The following ILRUN variants were observed in gnomAD, a reference collection of about 807,000 sequenced individuals.
ILRUN encodes the protein inflammation and lipid regulator with UBA-like and NBR1-like domains.
Under a neutral mutation model 33.8 loss-of-function variants are expected in ILRUN, and 3 were observed. That is an observed-to-expected ratio of 0.09 (90% CI 0.04 to 0.23). ILRUN has a LOEUF of 0.23. Ranked by LOEUF, ILRUN falls within the 10% of genes least tolerant of loss-of-function variation. The pLI, the probability that ILRUN is intolerant of heterozygous loss-of-function variation, is 1.00. For synonymous variants in ILRUN, 124 were observed against 138.9 expected (o/e 0.89, Z 0.75); for missense variants, 210 against 375.1 (o/e 0.56, Z 3.64).
chr6:34,696,761 TCACTCTGC>T, exon 1 of ILRUN: 1 of 548,146 alleles, frequency 1.8e-6, no homozygotes. Flanking sequence ...AGGGGTAAAC[TCACTCTGC>T]CACTCACTCA....
intron 3 of ILRUN, among the ~76,000 whole-genome samples, chr6:34,638,700 C>T (rs1762414116): frequency 6.6e-6 from 1 of 151,466 alleles, no homozygotes; most frequent in Non-Finnish European, 1.5e-5. Flanking sequence ...GCAAGACCCT[C>T]TCTCAAAAAA....
intron 3 of ILRUN, among the ~76,000 whole-genome samples, chr6:34,613,553 G>GTA (rs1485794607): frequency 3.9e-5 from 6 of 152,218 alleles, no homozygotes; most frequent in African/African-American, 1.4e-4. Context: ...TGCTGTCAGT[G>GTA]TATACTGGGG....
intron 1 of ILRUN, among the ~76,000 whole-genome samples, chr6:34,688,207 C>T (rs1763568129): frequency 6.6e-6 from 1 of 151,940 alleles, no homozygotes; most frequent in Admixed American, 6.6e-5. Context: ...GAGTTCTAAA[C>T]AAGCCTGGGC....
chr6:34,603,310 C>T (rs751350255), intron 4 of ILRUN, among the ~76,000 whole-genome samples: 66 of 152,106 alleles, frequency 4.3e-4, no homozygotes, highest in Admixed American at 1.7e-3. Context: ...GTCAGGAGTT[C>T]GAGACCAGCC....
At chr6:34,638,275 G>A (rs1045343728) in intron 3 of ILRUN, among the ~76,000 whole-genome samples, 2 of 152,116 alleles carry the variant, frequency 1.3e-5, no homozygotes, top group African/African-American at 4.8e-5. Context: ...TGCAACTGAC[G>A]GCAGGTTTCC....
At chr6:34,675,049 G>A (rs1210904032) in intron 1 of ILRUN, among the ~76,000 whole-genome samples, 1 of 152,216 alleles carries the variant, frequency 6.6e-6, no homozygotes, top group African/African-American at 2.4e-5. Flanking sequence ...CGGAGGCCCA[G>A]GTGGGCTAAT....
chr6:34,625,804 G>A lies in ILRUN; in HGVS notation c.512-18900C>T, dbSNP rs555021212. Among the ~76,000 whole-genome samples the A allele has an allele frequency of 8.2e-4, 122 of 148,216 alleles. 2 individuals carry two copies. The South Asian group carries it at 0.026, about 31-fold the overall frequency. On this transcript the variant is annotated intron_variant, in intron 3 of 4. Coordinates refer to ENST00000374023, the MANE Select transcript of ILRUN (RefSeq NM_024294.4). ...CCTTCCAGCCTATCCTACCTCAAAG[G>A]TTATTATTTCTTACTGTTCATTATT...
intron 3 of ILRUN, among the ~76,000 whole-genome samples, chr6:34,630,585 T>C (rs1762226152): frequency 6.6e-6 from 1 of 152,200 alleles, no homozygotes; most frequent in African/African-American, 2.4e-5. Context: ...GGTTGCACCA[T>C]GTTGGCCAGG....
intron 1 of ILRUN, among the ~76,000 whole-genome samples, chr6:34,678,128 C>T (rs1456400820): frequency 3.3e-5 from 5 of 152,044 alleles, no homozygotes; most frequent in Admixed American, 6.6e-5. Context: ...CTGCAACCTC[C>T]GCCTGAGTTC....
chr6:34,660,702 C>A (rs911882153), intron 1 of ILRUN, among the ~76,000 whole-genome samples: 3 of 151,962 alleles, frequency 2.0e-5, no homozygotes, highest in African/African-American at 7.3e-5. Context: ...AAAATAGATG[C>A]TCTTAACCAG....
intron 3 of ILRUN, among the ~76,000 whole-genome samples, chr6:34,625,352 C>T (rs1452557382): frequency 6.6e-6 from 1 of 152,156 alleles, no homozygotes; most frequent in Admixed American, 6.6e-5. Flanking sequence ...TAATTCAGCA[C>T]CAAACTGAGT....
intron 2 of ILRUN, among the ~76,000 whole-genome samples, chr6:34,653,910 A>G (rs1762719150): frequency 6.7e-6 from 1 of 149,630 alleles, no homozygotes; most frequent in Non-Finnish European, 1.5e-5. Flanking sequence ...GTTTAAGGCT[A>G]TAGTGAGCCA....
intron 1 of ILRUN, among the ~76,000 whole-genome samples, chr6:34,681,845 ATTTTTTTT>A (rs1168522578): frequency 0.2 from 17,748 of 86,642 alleles, 1,314 homozygotes; most frequent in African/African-American, 0.37. Flanking sequence ...CCACCACTAC[ATTTTTTTT>A]TTTTTTTTTT....
Position 34,612,610 on chromosome 6 carries a change from G to A in ILRUN, c.512-5706C>T, listed in dbSNP as rs115336495. On this transcript the variant is annotated intron_variant, in intron 3 of 4. Transcript: ENST00000374023. ...GCTTTCCTATTTCTTAATCTTGGAC[G>A]ATAAGTATAAAAGAGGCCAGGTACA... is the stretch of plus-strand genomic sequence containing the variant. Among the ~76,000 whole-genome samples the A allele has an allele frequency of 4.9e-3, 740 of 152,122 alleles. 9 individuals are homozygous for A. Among genetic ancestry groups the A allele is most frequent in the African/African-American group, 0.017 (689 of 41,490 alleles).
intron 3 of ILRUN, among the ~76,000 whole-genome samples, chr6:34,636,876 A>C (rs1162016654): frequency 6.6e-6 from 1 of 152,238 alleles, no homozygotes; most frequent in Non-Finnish European, 1.5e-5. Context: ...ACAACAATTC[A>C]GTGAAACCTT....
At position 34,590,293 on chromosome 6, in the gene ILRUN, T is replaced by C; in HGVS notation, c.*272A>G. Reference sequence around the variant, plus strand: ...CCCCTTCCCGAGTGACCTAATGACTTGTTAGACTGATGCCTATAACAAAAC... The same window carrying C: ...CCCCTTCCCGAGTGACCTAATGACTCGTTAGACTGATGCCTATAACAAAAC... On this transcript the variant is annotated 3_prime_UTR_variant, in exon 5 of 5. Coordinates refer to ENST00000374023, the MANE Select transcript of ILRUN (RefSeq NM_024294.4). The C allele has an allele frequency of 3.4e-6, 1 of 294,896 alleles. No homozygotes were observed. The allele number at this position is 294,896 out of a possible 1,614,324, so 18.3% of individuals were successfully genotyped here.
chr6:34,594,287 A>T (rs1377290776), intron 4 of ILRUN, among the ~76,000 whole-genome samples: 1 of 152,178 alleles, frequency 6.6e-6, no homozygotes, highest in East Asian at 1.9e-4. Flanking sequence ...CCCAAGCAAA[A>T]ATTGAAGCCA....
At chr6:34,667,150 C>A (rs1763023531) in intron 1 of ILRUN, among the ~76,000 whole-genome samples, 1 of 152,212 alleles carries the variant, frequency 6.6e-6, no homozygotes, top group African/African-American at 2.4e-5. Flanking sequence ...AAAGTTTGGT[C>A]TCTCAAAGAC....
chr6:34,600,447 G>A (rs578159814), intron 4 of ILRUN, among the ~76,000 whole-genome samples: 2 of 152,264 alleles, frequency 1.3e-5, no homozygotes, highest in East Asian at 3.9e-4. Context: ...CAGCCCCTAC[G>A]TATGTTCTAA....
Sources: allele counts gnomAD v4.1 joint callset (sites outside exome capture counted in the v4.1 genomes callset), GRCh38; gene constraint gnomAD v4.1.1; transcripts MANE v1.5; gene names NCBI Gene and HGNC (gene_info 2026-07-23, HGNC 2026-07-21).